ZFPM2: variants seen among roughly 807,000 people sequenced by gnomAD.
ZFPM2 encodes the protein zinc finger protein ZFPM2.
Under a neutral mutation model 98.6 loss-of-function variants are expected in ZFPM2, and 20 were observed. The observed-to-expected ratio is 0.20, with a 90% CI of 0.14 to 0.29. The LOEUF (loss-of-function observed/expected upper bound fraction) is 0.29, where lower values mean the gene tolerates loss of function less well. Among genes scored for constraint, ZFPM2 ranks in the 10% least tolerant of loss-of-function variants. The pLI is 1.00. For missense variants in ZFPM2, 1,310 were observed against 1,388.6 expected, an observed-to-expected ratio of 0.94 and a Z score of 0.90; for synonymous variants, 518 against 502.7, an observed-to-expected ratio of 1.03 and a Z score of -0.41.
At chr8:105,453,910 A>G (rs1453425272) in intron 3 of ZFPM2, among the ~76,000 whole-genome samples, 1 of 152,054 alleles carries the variant, frequency 6.6e-6, no homozygotes, top group African/African-American at 2.4e-5. Flanking sequence ...TTTTAAAGCG[A>G]GTTTCAGAAA....
intron 5 of ZFPM2, among the ~76,000 whole-genome samples, chr8:105,758,616 T>G (rs1812663525): frequency 6.6e-6 from 1 of 152,134 alleles, no homozygotes; most frequent in Non-Finnish European, 1.5e-5. Flanking sequence ...AACAGAAAAC[T>G]TATTGCTTCA....
At position 105,708,681 on chromosome 8, in the gene ZFPM2, C is replaced by A. The variant is rs190656353; in HGVS notation, c.532+74324C>A. ...CTGGTTTTTAACTCCTGGGCTCAAG[C>A]GGTCCACCCGCCTCGGCCTTCCATA... is the stretch of plus-strand genomic sequence containing the variant. On this transcript the variant is annotated intron_variant, in intron 5 of 7. Transcript: ENST00000407775. Among the ~76,000 whole-genome samples the A allele has an allele frequency of 3.9e-5, 6 of 152,190 alleles. No individual in the cohort carries two copies. The South Asian group carries it at 1.0e-3, about 26-fold the overall frequency.
intron 1 of ZFPM2, among the ~76,000 whole-genome samples, chr8:105,365,995 G>A (rs1335324347): frequency 6.6e-6 from 1 of 152,102 alleles, no homozygotes; most frequent in Non-Finnish European, 1.5e-5. Flanking sequence ...GAGTATAAAA[G>A]TGTAAAACTT....
At chr8:105,659,680 T>C (rs1817351700) in intron 5 of ZFPM2, among the ~76,000 whole-genome samples, 1 of 152,172 alleles carries the variant, frequency 6.6e-6, no homozygotes. Context: ...ATAGAAGAAC[T>C]CAGACCCAAA....
chr8:105,670,494 T>TCA (rs1817574044), intron 5 of ZFPM2, among the ~76,000 whole-genome samples: 1 of 29,970 alleles, frequency 3.3e-5, no homozygotes, highest in African/African-American at 2.0e-4. Flanking sequence ...AGAGTCCATC[T>TCA]CAAAAAAAAA....
chr8:105,378,616 G>A (rs2129854444), intron 1 of ZFPM2, among the ~76,000 whole-genome samples: 1 of 152,232 alleles, frequency 6.6e-6, no homozygotes, highest in African/African-American at 2.4e-5. Flanking sequence ...AGCAGACAAG[G>A]CTAGATTATG....
chr8:105,571,799 A>G (rs1563724990), intron 4 of ZFPM2, among the ~76,000 whole-genome samples: 2 of 152,128 alleles, frequency 1.3e-5, no homozygotes, highest in Non-Finnish European at 2.9e-5. Flanking sequence ...GCTTTGTCAA[A>G]CTCTGATAAC....
intron 4 of ZFPM2, 60 bp downstream of exon 4, chr8:105,561,541 G>C: frequency 7.6e-7 from 1 of 1,310,998 alleles, no homozygotes; most frequent in Non-Finnish European, 1.0e-6. Context: ...TTTTGCCATA[G>C]CTCAGAAATT....
chr8:105,529,180 G>A (rs1384436133), intron 3 of ZFPM2, among the ~76,000 whole-genome samples: 2 of 152,044 alleles, frequency 1.3e-5, no homozygotes, highest in African/African-American at 4.8e-5. Flanking sequence ...CCTTTCTTCT[G>A]TGTGTCTCTG....
chr8:105,377,738 C>T (rs1185580985), intron 1 of ZFPM2, among the ~76,000 whole-genome samples: 1 of 151,820 alleles, frequency 6.6e-6, no homozygotes, highest in Non-Finnish European at 1.5e-5. Flanking sequence ...CGAGATTGCA[C>T]CACTGCACAC....
intron 4 of ZFPM2, among the ~76,000 whole-genome samples, chr8:105,563,270 A>T (rs963253648): frequency 6.6e-6 from 1 of 152,212 alleles, no homozygotes; most frequent in Admixed American, 6.5e-5. Flanking sequence ...ATTCAGTACC[A>T]TGTGGATGTG....
Position 105,320,005 on chromosome 8 carries a change from C to T in ZFPM2, c.40+1024C>T, listed in dbSNP as rs151029551. Among the ~76,000 whole-genome samples, 205 of 152,202 alleles carry T rather than the reference C, an allele frequency of 1.3e-3. 1 individual carries two copies. Among genetic ancestry groups the T allele is most frequent in the African/African-American group, 4.9e-3 (203 of 41,538 alleles). ...AAAAACCTTATTAGTTTATTTTTTG[C>T]TAGCTTTATGATGTGTCTGTTTCAC... On this transcript the variant is annotated intron_variant, in intron 1 of 7. Coordinates refer to ENST00000407775, the MANE Select transcript of ZFPM2 (RefSeq NM_012082.4).
chr8:105,326,202 C>T (rs1812112290), intron 1 of ZFPM2, among the ~76,000 whole-genome samples: 2 of 151,594 alleles, frequency 1.3e-5, no homozygotes, highest in Middle Eastern at 3.4e-3. Flanking sequence ...AGAATTCCTA[C>T]AAATATAATA....
At chr8:105,758,597 A>AT (rs1463953422) in intron 5 of ZFPM2, among the ~76,000 whole-genome samples, 9 of 151,986 alleles carry the variant, frequency 5.9e-5, no homozygotes, top group East Asian at 3.9e-4. Context: ...CAGTCATTTG[A>AT]TTTTTTTTAA....
intron 5 of ZFPM2, among the ~76,000 whole-genome samples, chr8:105,783,210 GTTTTTTTTTTT>G (rs753557703): frequency 7.9e-5 from 7 of 88,926 alleles, no homozygotes; most frequent in South Asian, 4.4e-4. Context: ...TTTCTTTATG[GTTTTTTTTTTT>G]TTTTTTTTTT....
intron 5 of ZFPM2, among the ~76,000 whole-genome samples, chr8:105,751,663 A>G (rs1023299450): frequency 5.9e-5 from 9 of 152,100 alleles, no homozygotes; most frequent in African/African-American, 1.7e-4. Context: ...GAAAATGAAC[A>G]TCTCCCTGAC....
At chr8:105,544,786 A>T (rs1436137245) in intron 3 of ZFPM2, among the ~76,000 whole-genome samples, 2 of 152,208 alleles carry the variant, frequency 1.3e-5, no homozygotes, top group Non-Finnish European at 2.9e-5. Context: ...GGTGATGCTC[A>T]TTACATGTTT....
chr8:105,457,797 C>A (rs1812621058), intron 3 of ZFPM2, among the ~76,000 whole-genome samples: 1 of 152,250 alleles, frequency 6.6e-6, no homozygotes, highest in African/African-American at 2.4e-5. Context: ...TACCTGCTAC[C>A]TGGAAGGCAC....
intron 4 of ZFPM2, among the ~76,000 whole-genome samples, chr8:105,612,377 G>GA (rs148464134): frequency 0.11 from 15,975 of 148,684 alleles, 942 homozygotes; most frequent in Admixed American, 0.13. Flanking sequence ...ACGTCCAATT[G>GA]AAAAAAAAAA....
Sources: allele counts gnomAD v4.1 joint callset (sites outside exome capture counted in the v4.1 genomes callset), GRCh38; gene constraint gnomAD v4.1.1; transcripts MANE v1.5; gene names NCBI Gene and HGNC (gene_info 2026-07-23, HGNC 2026-07-21).